SDK1: variants seen among roughly 807,000 people sequenced by gnomAD.
SDK1 encodes the protein sidekick cell adhesion molecule 1.
In SDK1, 157 loss-of-function variants were observed where a neutral mutation model predicts 245.5. The ratio of observed to expected loss-of-function variants is 0.64; its 90% CI spans 0.56 to 0.73. The LOEUF is 0.73. SDK1 is among the 30% of genes least tolerant of loss of function. The pLI, the probability that SDK1 is intolerant of heterozygous loss-of-function variation, is 0.00. For missense variants in SDK1, 3,583 were observed against 3,002.3 expected, an observed-to-expected ratio of 1.19 and a Z score of -4.52; for synonymous variants, 1,647 against 1,278.5, an observed-to-expected ratio of 1.29 and a Z score of -6.15.
intron 4 of SDK1, among the ~76,000 whole-genome samples, chr7:3,680,515 A>ATGAC (rs1784067110): frequency 2.0e-5 from 3 of 152,222 alleles, no homozygotes; most frequent in South Asian, 2.1e-4. Flanking sequence ...TGTTGTTCCA[A>ATGAC]TGACTATGCA....
chr7:3,999,142 G>A (rs371084626), intron 14 of SDK1, among the ~76,000 whole-genome samples: 18 of 151,736 alleles, frequency 1.2e-4, no homozygotes, highest in African/African-American at 1.9e-4. Context: ...ACACACACAC[G>A]CACACACACA....
At chr7:4,235,717 C>A (rs1314979502) in intron 41 of SDK1, among the ~76,000 whole-genome samples, 1 of 152,234 alleles carries the variant, frequency 6.6e-6, no homozygotes, top group African/African-American at 2.4e-5. Context: ...CTTCCCAGGG[C>A]CTGTGGTTCA....
chr7:3,709,375 C>A (rs139471613), intron 4 of SDK1, among the ~76,000 whole-genome samples: 1 of 152,328 alleles, frequency 6.6e-6, no homozygotes, highest in Non-Finnish European at 1.5e-5. Flanking sequence ...CAAGGCCCTT[C>A]CTTCTGCTGC....
intron 4 of SDK1, among the ~76,000 whole-genome samples, chr7:3,741,997 T>TATATATATAC (rs1296622645): frequency 6.8e-6 from 1 of 147,700 alleles, no homozygotes; most frequent in African/African-American, 2.5e-5. Context: ...CATATATATA[T>TATATATATAC]ATATATATAT....
intron 1 of SDK1, among the ~76,000 whole-genome samples, chr7:3,391,341 T>C (rs1781743764): frequency 6.6e-6 from 1 of 152,186 alleles, no homozygotes; most frequent in Non-Finnish European, 1.5e-5. Context: ...GGTTCCATTG[T>C]GCAGGACTTA....
intron 30 of SDK1, among the ~76,000 whole-genome samples, chr7:4,156,372 G>C (rs1007159216): frequency 1.4e-4 from 22 of 152,224 alleles, no homozygotes; most frequent in African/African-American, 5.3e-4. Context: ...CAGAACTCTG[G>C]AGCAAAGGTC....
intron 4 of SDK1, among the ~76,000 whole-genome samples, chr7:3,751,699 A>G (rs1779776191): frequency 6.6e-6 from 1 of 152,202 alleles, no homozygotes; most frequent in African/African-American, 2.4e-5. Context: ...GTGATCCAGC[A>G]CAGCTGACAG....
At chr7:4,055,416 G>A (rs1246302092) in intron 19 of SDK1, among the ~76,000 whole-genome samples, 1 of 152,182 alleles carries the variant, frequency 6.6e-6, no homozygotes, top group Non-Finnish European at 1.5e-5. Flanking sequence ...TGCAGGATCT[G>A]TAGTGATGTC....
At chr7:3,687,697 G>C (rs1784329800) in intron 4 of SDK1, among the ~76,000 whole-genome samples, 1 of 152,172 alleles carries the variant, frequency 6.6e-6, no homozygotes. Flanking sequence ...GAACAGACTA[G>C]AAGTCTACAC....
At chr7:3,498,035 A>G (rs1782079466) in intron 1 of SDK1, among the ~76,000 whole-genome samples, 1 of 152,254 alleles carries the variant, frequency 6.6e-6, no homozygotes, top group Non-Finnish European at 1.5e-5. Context: ...TAATTGATTT[A>G]AAGAAACTAA....
intron 17 of SDK1, among the ~76,000 whole-genome samples, chr7:4,025,414 A>G (rs1787264054): frequency 6.6e-6 from 1 of 152,186 alleles, no homozygotes; most frequent in South Asian, 2.1e-4. Flanking sequence ...ACTGGGGTGG[A>G]GCAGGGCAGG....
chr7:4,131,757 A>G (rs1291980168), intron 27 of SDK1, among the ~76,000 whole-genome samples: 1 of 151,970 alleles, frequency 6.6e-6, no homozygotes, highest in Non-Finnish European at 1.5e-5. Flanking sequence ...AAGAATTATT[A>G]TATGCATTTG....
At chr7:3,559,149 T>A (rs888145510) in intron 1 of SDK1, among the ~76,000 whole-genome samples, 2 of 152,230 alleles carry the variant, frequency 1.3e-5, no homozygotes, top group Admixed American at 6.5e-5. Flanking sequence ...GAACTTACGA[T>A]ATATAGATAT....
intron 28 of SDK1, among the ~76,000 whole-genome samples, chr7:4,143,098 G>T (rs887206925): frequency 3.3e-5 from 5 of 152,162 alleles, no homozygotes; most frequent in African/African-American, 1.2e-4. Flanking sequence ...CAAAGTTGGG[G>T]GTGTCACTCC....
At chr7:3,557,752 C>G (rs1779633466) in intron 1 of SDK1, among the ~76,000 whole-genome samples, 1 of 152,088 alleles carries the variant, frequency 6.6e-6, no homozygotes, top group Non-Finnish European at 1.5e-5. Context: ...GTTATTATCT[C>G]AGTTAAATTT....
In SDK1 at chr7:3,802,993, T is replaced by G. The variant is rs75537007; in HGVS notation, c.714-18457T>G. 5.3e-3 allele frequency among the ~76,000 whole-genome samples: 802 copies of G among 152,342 alleles called. 9 individuals are homozygous for G. Among genetic ancestry groups the G allele is most frequent in the African/African-American group, 0.019 (778 of 41,570 alleles). On this transcript the variant is annotated intron_variant, in intron 4 of 44. Coordinates refer to ENST00000404826, the MANE Select transcript of SDK1 (RefSeq NM_152744.4). ...TTTCTCTGAGATGAACGTTCAGGAT[T>G]ATAATCGGTGGGTCGAATGTAAGTA...
chr7:3,684,668 A>G (rs1784221997), intron 4 of SDK1, among the ~76,000 whole-genome samples: 1 of 152,242 alleles, frequency 6.6e-6, no homozygotes. Context: ...TAAATCAGAG[A>G]TGAATGTGAT....
At chr7:3,808,732 A>T (rs1347481157) in intron 4 of SDK1, among the ~76,000 whole-genome samples, 1 of 152,194 alleles carries the variant, frequency 6.6e-6, no homozygotes, top group East Asian at 1.9e-4. Context: ...CTTGTTTTCC[A>T]GAACAGTGTC....
At chr7:4,172,010 G>A (rs1180556218) in intron 32 of SDK1, among the ~76,000 whole-genome samples, 1 of 152,208 alleles carries the variant, frequency 6.6e-6, no homozygotes, top group Non-Finnish European at 1.5e-5. Flanking sequence ...GGCCAGGAGC[G>A]GAGCTGTGTC....
Sources: gnomAD v4.1 joint callset for allele counts (sites outside exome capture counted in the v4.1 genomes callset) on GRCh38, gnomAD v4.1.1 for gene constraint, MANE v1.5 for transcripts, NCBI Gene and HGNC (gene_info 2026-07-23, HGNC 2026-07-21) for gene names.